Variants in MTUS2 observed in about 807,000 individuals in gnomAD.
The protein encoded by MTUS2 is microtubule associated scaffold protein 2, also known as microtubule-associated tumor suppressor candidate 2.
Under a neutral mutation model 114.1 loss-of-function variants are expected in MTUS2, and 40 were observed. The ratio of observed to expected loss-of-function variants is 0.35; its 90% CI spans 0.27 to 0.46. MTUS2 has a LOEUF of 0.46. MTUS2 is among the 20% of genes least tolerant of loss of function. The probability of loss-of-function intolerance (pLI) is 1.00; values close to 1 mark genes in which losing one functional copy is unlikely to be tolerated. For missense variants in MTUS2, 1,679 were observed against 1,705.4 expected (o/e 0.98, Z 0.27); for synonymous variants, 688 against 672.0 (o/e 1.02, Z -0.37).
intron 5 of MTUS2, among the ~76,000 whole-genome samples, chr13:29,113,042 A>G (rs1351734137): frequency 6.6e-6 from 1 of 152,192 alleles, no homozygotes; most frequent in Non-Finnish European, 1.5e-5. Context: ...TACCGGAAAC[A>G]ATCTGATGGA....
chr13:29,259,989 A>G (rs1175490233), intron 5 of MTUS2, among the ~76,000 whole-genome samples: 1 of 152,258 alleles, frequency 6.6e-6, no homozygotes, highest in Non-Finnish European at 1.5e-5. Flanking sequence ...GTGCCCGGTG[A>G]CCATGGAACC....
intron 5 of MTUS2, among the ~76,000 whole-genome samples, chr13:29,263,030 G>A (rs998186351): frequency 1.3e-4 from 20 of 152,166 alleles, no homozygotes; most frequent in African/African-American, 4.6e-4. Context: ...AGGTAAACAA[G>A]CCATTTAACA....
At chr13:28,848,162 A>G (rs2138017281) in intron 2 of MTUS2, among the ~76,000 whole-genome samples, 1 of 152,354 alleles carries the variant, frequency 6.6e-6, no homozygotes, top group African/African-American at 2.4e-5. Context: ...GATGCTGAGA[A>G]CGTCAAAAGG....
chr13:29,375,537 AC>A (rs1241131882), intron 8 of MTUS2, among the ~76,000 whole-genome samples: 1 of 62,822 alleles, frequency 1.6e-5, no homozygotes, highest in Admixed American at 2.2e-4. Context: ...ATATATATAT[AC>A]GTGTATATAT....
chr13:28,842,307 T>A (rs951608835), intron 2 of MTUS2, among the ~76,000 whole-genome samples: 5 of 152,182 alleles, frequency 3.3e-5, no homozygotes, highest in Non-Finnish European at 5.9e-5. Flanking sequence ...TGCAGTTGTT[T>A]AGCTGTCTGT....
At chr13:29,168,979 T>C (rs1038335681) in intron 5 of MTUS2, among the ~76,000 whole-genome samples, 12 of 151,458 alleles carry the variant, frequency 7.9e-5, no homozygotes, top group African/African-American at 2.9e-4. Flanking sequence ...TCTGCCCTTA[T>C]ATTCACAGCT....
chr13:29,382,139 A>G (rs532624093), intron 8 of MTUS2, among the ~76,000 whole-genome samples: 4 of 152,220 alleles, frequency 2.6e-5, no homozygotes, highest in Non-Finnish European at 5.9e-5. Flanking sequence ...AGGTCAGGAA[A>G]CAATATTGCC....
intron 2 of MTUS2, among the ~76,000 whole-genome samples, chr13:28,948,551 T>G (rs1882650447): frequency 6.6e-6 from 1 of 152,188 alleles, no homozygotes; most frequent in African/African-American, 2.4e-5. Flanking sequence ...CTTAGAAAAT[T>G]AGTCTTCTTG....
intron 2 of MTUS2, among the ~76,000 whole-genome samples, chr13:28,923,447 G>A (rs1881158035): frequency 6.6e-6 from 1 of 152,162 alleles, no homozygotes; most frequent in African/African-American, 2.4e-5. Flanking sequence ...GCAGGACCTG[G>A]CCTACATTTG....
At chr13:29,198,342 CT>C (rs1438369343) in intron 5 of MTUS2, among the ~76,000 whole-genome samples, 1 of 152,184 alleles carries the variant, frequency 6.6e-6, no homozygotes, top group Non-Finnish European at 1.5e-5. Flanking sequence ...TTCCCCATTG[CT>C]TGTTTTTGTC....
At chr13:29,056,112 T>C (rs1888123807) in intron 4 of MTUS2, among the ~76,000 whole-genome samples, 1 of 152,172 alleles carries the variant, frequency 6.6e-6, no homozygotes, top group African/African-American at 2.4e-5. Context: ...TTTTGGTGTT[T>C]TTGAAATGAA....
chr13:28,940,811 A>G (rs1026509952), intron 2 of MTUS2, among the ~76,000 whole-genome samples: 4 of 152,180 alleles, frequency 2.6e-5, no homozygotes, highest in African/African-American at 4.8e-5. Flanking sequence ...CACATGGGAC[A>G]TGGTAAAAAG....
chr13:29,069,899 C>T (rs1368796159), intron 4 of MTUS2, among the ~76,000 whole-genome samples: 2 of 152,132 alleles, frequency 1.3e-5, no homozygotes, highest in Non-Finnish European at 2.9e-5. Context: ...AGTATCTGTC[C>T]TGTTTATCAT....
chr13:29,371,095 A>G (rs1871150976), intron 8 of MTUS2, among the ~76,000 whole-genome samples: 1 of 152,178 alleles, frequency 6.6e-6, no homozygotes, highest in South Asian at 2.1e-4. Flanking sequence ...AACCTCAAAA[A>G]TCTGCTGAAA....
intron 6 of MTUS2, among the ~76,000 whole-genome samples, chr13:29,312,985 A>G (rs1321276566): frequency 6.6e-6 from 1 of 152,236 alleles, no homozygotes; most frequent in Non-Finnish European, 1.5e-5. Flanking sequence ...TGGGGGAAGA[A>G]TGTGATTAGT....
intron 5 of MTUS2, among the ~76,000 whole-genome samples, chr13:29,237,453 C>T (rs187134116): frequency 1.3e-5 from 2 of 152,236 alleles, no homozygotes; most frequent in East Asian, 1.9e-4. Flanking sequence ...GCAGATTTCA[C>T]GCTTCTCTGC....
chr13:28,903,532 G>A (rs1321415186), intron 2 of MTUS2, among the ~76,000 whole-genome samples: 1 of 149,964 alleles, frequency 6.7e-6, no homozygotes, highest in Non-Finnish European at 1.5e-5. Context: ...TTTGTGCTTG[G>A]GATAGTTTGC....
chr13:28,976,442 G>A (rs1294509567), intron 2 of MTUS2, among the ~76,000 whole-genome samples: 2 of 152,176 alleles, frequency 1.3e-5, no homozygotes, highest in African/African-American at 4.8e-5. Flanking sequence ...GTAAGTAGTA[G>A]TGGCTGTTTT....
chr13:29,159,920 G>C (rs1199437272), intron 5 of MTUS2, among the ~76,000 whole-genome samples: 2 of 152,220 alleles, frequency 1.3e-5, no homozygotes, highest in East Asian at 3.8e-4. Flanking sequence ...CAGCCACTCT[G>C]GAAAGCAGTT....
Sources: gnomAD v4.1 joint callset for allele counts (sites outside exome capture counted in the v4.1 genomes callset) on GRCh38, gnomAD v4.1.1 for gene constraint, MANE v1.5 for transcripts, NCBI Gene and HGNC (gene_info 2026-07-23, HGNC 2026-07-21) for gene names.